The following HDAC9 variants were observed in gnomAD, a reference collection of about 807,000 sequenced individuals.
The protein encoded by HDAC9 is histone deacetylase 9, also known as MEF-2 interacting transcription repressor (MITR) protein.
In HDAC9, 41 loss-of-function variants were observed where a neutral mutation model predicts 139.4. That is an observed-to-expected ratio of 0.29 (90% confidence interval 0.23 to 0.38). HDAC9 has a LOEUF of 0.38. Ranked by LOEUF, HDAC9 falls within the 10% of genes least tolerant of loss-of-function variation. HDAC9 has a pLI of 1.00. For synonymous variants in HDAC9, 517 were observed against 476.2 expected, an observed-to-expected ratio of 1.09 and a Z score of -1.12; for missense variants, 1,147 against 1,297.0, an observed-to-expected ratio of 0.88 and a Z score of 1.78.
At chr7:18,894,969 CT>C (rs940364913) in intron 22 of HDAC9, among the ~76,000 whole-genome samples, 2 of 151,968 alleles carry the variant, frequency 1.3e-5, no homozygotes, top group African/African-American at 4.8e-5. Flanking sequence ...GTGCTTCTGA[CT>C]TTTTTCTCAG....
At position 18,149,390 on chromosome 7, in the gene HDAC9, G is replaced by A. The variant is rs143076796; in HGVS notation, c.-96-12839G>A. ...TTTTGTTTAGAGTCAGGGTCTCACC[G>A]TGTCACTCAGGTTGGAGTGCAGTGG... On this transcript the variant is annotated intron_variant, in intron 1 of 12. Transcript: ENST00000417496. Among the ~76,000 whole-genome samples the A allele has an allele frequency of 2.7e-3, 391 of 142,454 alleles. 1 individual carries two copies. The highest frequency in any genetic ancestry group is 9.8e-3 in the African/African-American group (379 of 38,694). The allele number at this position is 142,454 out of a possible 152,430, so 93.5% of individuals were successfully genotyped here.
chr7:18,840,661 T>C (rs1001515136), intron 21 of HDAC9, among the ~76,000 whole-genome samples: 1 of 152,140 alleles, frequency 6.6e-6, no homozygotes, highest in Non-Finnish European at 1.5e-5. Flanking sequence ...GTTTTTGCTA[T>C]ATAGTCAAAG....
At chr7:18,249,225 G>C (rs1794754994) in intron 2 of HDAC9, among the ~76,000 whole-genome samples, 1 of 151,972 alleles carries the variant, frequency 6.6e-6, no homozygotes, top group Non-Finnish European at 1.5e-5. Flanking sequence ...TCTTCAGTCT[G>C]GGTGTGGTGG....
intron 1 of HDAC9, among the ~76,000 whole-genome samples, chr7:18,160,513 AG>A (rs1242128790): frequency 6.6e-6 from 1 of 152,190 alleles, no homozygotes; most frequent in Non-Finnish European, 1.5e-5. Flanking sequence ...GAGAGTTACA[AG>A]TTATCTATTA....
rs548478667 is a variant in HDAC9 at position 18,357,004 on chromosome 7, T to G, written c.-42+66489T>G. ...AATTAACTAGCATTAAGGTATATAC[T>G]GAAAGTCATTTTAAGAAATGCCTTA... On this transcript the variant is annotated intron_variant, in intron 1 of 3. Transcript: ENST00000413509. Among the ~76,000 whole-genome samples the G allele has an allele frequency of 3.7e-4, 57 of 152,308 alleles. 1 individual carries two copies. The highest frequency in any genetic ancestry group is 1.3e-3 in the African/African-American group (54 of 41,576).
chr7:18,199,422 A>G (rs143348771), intron 2 of HDAC9, among the ~76,000 whole-genome samples: 89 of 152,262 alleles, frequency 5.8e-4, no homozygotes, highest in African/African-American at 2.0e-3. Context: ...TTCCATTTGT[A>G]TAATGTAATA....
At chr7:18,552,214 T>C (rs113992771) in intron 2 of HDAC9, among the ~76,000 whole-genome samples, 15 of 152,298 alleles carry the variant, frequency 9.8e-5, no homozygotes, top group African/African-American at 3.4e-4. Flanking sequence ...TTATGTAGGT[T>C]TATAGGTGGA....
At chr7:18,143,127 C>A (rs1008189947) in intron 1 of HDAC9, among the ~76,000 whole-genome samples, 1 of 152,166 alleles carries the variant, frequency 6.6e-6, no homozygotes, top group African/African-American at 2.4e-5. Context: ...GCAAAGATCT[C>A]CCCCTGCTTT....
chr7:18,974,025 C>T (rs779573553), intron 24 of HDAC9, among the ~76,000 whole-genome samples: 6 of 152,150 alleles, frequency 3.9e-5, no homozygotes, highest in Non-Finnish European at 7.3e-5. Context: ...TTAATTAGCC[C>T]TTGCCTACCA....
intron 8 of HDAC9, 119 bp from the exon 9 acceptor site, chr7:18,644,552 A>G: frequency 1.3e-6 from 1 of 758,828 alleles, no homozygotes; most frequent in Non-Finnish European, 1.9e-6. Context: ...TAGAAGTCAT[A>G]AAATAAATAC....
intron 2 of HDAC9, among the ~76,000 whole-genome samples, chr7:18,282,675 A>T (rs1037265679): frequency 6.6e-6 from 1 of 152,162 alleles, no homozygotes. Context: ...GGATGTTGCA[A>T]TTGAACTTCA....
chr7:18,354,654 A>C (rs1783113758), intron 1 of HDAC9, among the ~76,000 whole-genome samples: 1 of 152,130 alleles, frequency 6.6e-6, no homozygotes, highest in South Asian at 2.1e-4. Flanking sequence ...ATTAATACCT[A>C]TCTTTGCTTT....
At chr7:18,403,429 C>T (rs1244711901) in intron 1 of HDAC9, among the ~76,000 whole-genome samples, 1 of 152,114 alleles carries the variant, frequency 6.6e-6, no homozygotes, top group Non-Finnish European at 1.5e-5. Context: ...TTCTTTCTAT[C>T]ATAAAATCGA....
At chr7:18,922,425 G>A (rs959728937) in intron 22 of HDAC9, among the ~76,000 whole-genome samples, 1 of 152,000 alleles carries the variant, frequency 6.6e-6, no homozygotes, top group Non-Finnish European at 1.5e-5. Flanking sequence ...ACAGCTAGAA[G>A]GAAGCCTTCA....
chr7:18,202,436 G>A (rs1791204170), intron 2 of HDAC9, among the ~76,000 whole-genome samples: 1 of 151,836 alleles, frequency 6.6e-6, no homozygotes, highest in South Asian at 2.1e-4. Context: ...ACAGACACTT[G>A]TACTTAATTC....
At chr7:18,452,731 C>T (rs532680280) in intron 1 of HDAC9, among the ~76,000 whole-genome samples, 2 of 152,254 alleles carry the variant, frequency 1.3e-5, no homozygotes, top group South Asian at 4.2e-4. Flanking sequence ...TGGTTTTATA[C>T]AGGGCAGTTC....
chr7:18,628,752 A>G (rs1010504956), intron 6 of HDAC9, among the ~76,000 whole-genome samples: 9 of 152,170 alleles, frequency 5.9e-5, no homozygotes, highest in African/African-American at 1.2e-4. Flanking sequence ...TACTGCATGT[A>G]TAGAATGTCT....
chr7:18,829,562 G>T lies in HDAC9; in HGVS notation c.2466+14G>T. On this transcript the variant is annotated intron_variant, in intron 19 of 25. Transcript: ENST00000686413. ...ATTGTAGATCTGGTATGTATTCCTGGCCAGAGCTGCATTTTCAGTGATTCT... is the reference window on the plus strand; with the variant it reads ...ATTGTAGATCTGGTATGTATTCCTGTCCAGAGCTGCATTTTCAGTGATTCT... 6.8e-7 allele frequency: 1 copy of T among 1,475,976 alleles called. No individual in the cohort carries two copies. The highest frequency in any genetic ancestry group is 1.2e-5 in the South Asian group (1 of 86,030). 91.4% of individuals were successfully genotyped at this position (1,475,976 alleles called of 1,614,324 possible).
intron 1 of HDAC9, among the ~76,000 whole-genome samples, chr7:18,389,278 C>G (rs898483708): frequency 6.6e-6 from 1 of 152,186 alleles, no homozygotes; most frequent in Non-Finnish European, 1.5e-5. Context: ...AGCACAGAGA[C>G]CACAAAATAA....
Sources: gnomAD v4.1 joint callset for allele counts (sites outside exome capture counted in the v4.1 genomes callset) on GRCh38, gnomAD v4.1.1 for gene constraint, MANE v1.5 for transcripts, NCBI Gene and HGNC (gene_info 2026-07-23, HGNC 2026-07-21) for gene names.